The following SPOPL variants were observed in gnomAD, a reference collection of about 807,000 sequenced individuals.
SPOPL encodes the protein speckle type BTB/POZ protein like.
A neutral mutation model predicts 53.8 loss-of-function variants in SPOPL; 23 were observed. That is an observed-to-expected ratio of 0.43 (90% CI 0.31 to 0.61). The LOEUF is 0.61. Among genes scored for constraint, SPOPL ranks in the 20% least tolerant of loss-of-function variants. The pLI is 0.12. For synonymous variants in SPOPL, 164 were observed against 149.7 expected (o/e 1.10, Z -0.70); for missense variants, 442 against 466.9 (o/e 0.95, Z 0.49).
At chr2:138,547,121 A>G (rs1345587229) in intron 1 of SPOPL, among the ~76,000 whole-genome samples, 1 of 151,916 alleles carries the variant, frequency 6.6e-6, no homozygotes, top group Non-Finnish European at 1.5e-5. Context: ...GCCCGCCCCC[A>G]TGCCTGGCTT....
chr2:138,539,482 G>A (rs1321677852), intron 1 of SPOPL, among the ~76,000 whole-genome samples: 1 of 152,102 alleles, frequency 6.6e-6, no homozygotes, highest in Non-Finnish European at 1.5e-5. Context: ...GTTTTGATTT[G>A]CATTTCTCTG....
At chr2:138,538,956 T>G (rs1685000022) in intron 1 of SPOPL, among the ~76,000 whole-genome samples, 1 of 152,140 alleles carries the variant, frequency 6.6e-6, no homozygotes, top group African/African-American at 2.4e-5. Flanking sequence ...TGTTCGTGTG[T>G]TCTCATTGTT....
Position 138,550,293 on chromosome 2 carries a change from A to G in SPOPL, c.77A>G (p.Gln26Arg). 1 of 1,613,598 alleles carries G rather than the reference A, an allele frequency of 6.2e-7. No homozygotes were observed. The highest frequency in any genetic ancestry group is 1.3e-5 in the African/African-American group (1 of 75,038). ...ATAGCAGAAAGCTGGTGTTACACAC[A>G]GGTACATGCTCTTAAAAATCCCTCA... The part of the protein sequence containing the change: ...GPIAESWCYT[Q>R]VKVVKFSYMW... The change falls in exon 2 of 11, where the codon CAG (glutamine) becomes CGG (arginine). Residue 26 changes from glutamine to arginine, a missense_variant and splice_region_variant. Transcript: ENST00000280098.
At chr2:138,554,523 G>A in intron 5 of SPOPL, 1 of 1,287,122 alleles carries the variant, frequency 7.8e-7, no homozygotes, top group Non-Finnish European at 1.0e-6. Context: ...CCTGCAAGTG[G>A]TGCTGTAGAC....
At chr2:138,559,417 A>G (rs974387627) in intron 7 of SPOPL, 80 bp downstream of exon 7, 15 of 1,398,854 alleles carry the variant, frequency 1.1e-5, no homozygotes, top group African/African-American at 7.3e-5. Flanking sequence ...TAATAGTACA[A>G]TGTTCTCATT....
intron 4 of SPOPL, among the ~76,000 whole-genome samples, chr2:138,551,392 CT>C (rs149421911): frequency 0.011 from 1,652 of 151,978 alleles, 33 homozygotes; most frequent in African/African-American, 0.037. Flanking sequence ...TCTCTCTTGC[CT>C]TTTTTTGCCA....
chr2:138,510,911 C>A (rs1684310732), intron 1 of SPOPL, among the ~76,000 whole-genome samples: 2 of 152,076 alleles, frequency 1.3e-5, no homozygotes, highest in Non-Finnish European at 2.9e-5. Context: ...AATTTAATTT[C>A]ATTTAATTAA....
intron 1 of SPOPL, among the ~76,000 whole-genome samples, chr2:138,548,582 TTTAA>T (rs1558875381): frequency 6.6e-6 from 1 of 152,024 alleles, no homozygotes; most frequent in Non-Finnish European, 1.5e-5. Context: ...AAAGTGGCTT[TTTAA>T]TTTAGTTTTA....
At chr2:138,519,425 TA>T (rs11418970) in intron 1 of SPOPL, among the ~76,000 whole-genome samples, 3,693 of 142,120 alleles carry the variant, frequency 0.026, 141 homozygotes, top group African/African-American at 0.085. Flanking sequence ...TGTTGGGCTT[TA>T]AAAAAAAAAA....
At chr2:138,553,021 T>A (rs1281000409) in intron 5 of SPOPL, among the ~76,000 whole-genome samples, 5 of 152,096 alleles carry the variant, frequency 3.3e-5, no homozygotes, top group Non-Finnish European at 1.5e-5. Flanking sequence ...TGTCAATTTT[T>A]AAAAAATTTT....
In SPOPL at chr2:138,569,184, TC is replaced by T; in HGVS notation, c.*106del. ...AGCAAGAGTTGTTTCTGTTATTTTG[TC>T]CACAGAACAGAAGCTGAAAAAGCAT... is the stretch of plus-strand genomic sequence containing the variant. On this transcript the variant is annotated 3_prime_UTR_variant, in exon 11 of 11. Coordinates refer to ENST00000280098, the MANE Select transcript of SPOPL (RefSeq NM_001001664.3). The T allele has an allele frequency of 7.7e-7, 1 of 1,306,146 alleles. No homozygotes were observed. The highest frequency in any genetic ancestry group is 1.1e-6 in the Non-Finnish European group (1 of 941,796). The allele number at this position is 1,306,146 out of a possible 1,614,324, so 80.9% of individuals were successfully genotyped here. A position where few individuals can be genotyped will look rare whatever the true frequency, so the allele number is the denominator to read the frequency against.
intron 1 of SPOPL, among the ~76,000 whole-genome samples, chr2:138,521,191 TA>T (rs1684548878): frequency 6.6e-6 from 1 of 152,232 alleles, no homozygotes; most frequent in Non-Finnish European, 1.5e-5. Context: ...GAGTAAATCT[TA>T]AACTAGTTTA....
At chr2:138,544,018 G>T (rs912736625) in intron 1 of SPOPL, among the ~76,000 whole-genome samples, 1 of 152,138 alleles carries the variant, frequency 6.6e-6, no homozygotes, top group African/African-American at 2.4e-5. Context: ...TGTTTGCCTG[G>T]GTATCAGCAG....
At chr2:138,567,434 T>TGTGTGG (rs1558883529) in intron 10 of SPOPL, among the ~76,000 whole-genome samples, 1 of 94,098 alleles carries the variant, frequency 1.1e-5, no homozygotes, top group Non-Finnish European at 2.2e-5. Flanking sequence ...TGTGTGTGTG[T>TGTGTGG]TGCGGGCGGG....
chr2:138,513,078 G>A (rs1440806663), intron 1 of SPOPL, among the ~76,000 whole-genome samples: 2 of 152,202 alleles, frequency 1.3e-5, no homozygotes, highest in African/African-American at 4.8e-5. Context: ...TGGTGGTGAA[G>A]GGGGAGAGCT....
At chr2:138,563,151 A>C (rs1294560333) in intron 8 of SPOPL, among the ~76,000 whole-genome samples, 4 of 152,206 alleles carry the variant, frequency 2.6e-5, no homozygotes, top group Admixed American at 2.0e-4. Context: ...ACGTTTGAGC[A>C]AACATTTTCT....
intron 1 of SPOPL, among the ~76,000 whole-genome samples, chr2:138,521,306 C>T (rs1334954037): frequency 6.6e-6 from 1 of 151,720 alleles, no homozygotes; most frequent in Non-Finnish European, 1.5e-5. Flanking sequence ...GAATACATAG[C>T]CTGAAATGTG....
intron 1 of SPOPL, among the ~76,000 whole-genome samples, chr2:138,546,653 G>T (rs1685201666): frequency 6.6e-6 from 1 of 152,184 alleles, no homozygotes; most frequent in Non-Finnish European, 1.5e-5. Context: ...GTAAAATATG[G>T]AAGGGCAGCA....
chr2:138,533,773 A>C (rs1684869685), intron 1 of SPOPL, among the ~76,000 whole-genome samples: 1 of 152,126 alleles, frequency 6.6e-6, no homozygotes. Context: ...GAAGCAGTTC[A>C]GAGGACTTTT....
Sources: allele counts gnomAD v4.1 joint callset (sites outside exome capture counted in the v4.1 genomes callset), GRCh38; gene constraint gnomAD v4.1.1; transcripts MANE v1.5; gene names NCBI Gene and HGNC (gene_info 2026-07-23, HGNC 2026-07-21).